The following DSCAM variants were observed in gnomAD, a reference collection of about 807,000 sequenced individuals.
DSCAM encodes the protein cell adhesion molecule DSCAM.
A neutral mutation model predicts 217.7 loss-of-function variants in DSCAM; 47 were observed. The ratio of observed to expected loss-of-function variants is 0.22; its 90% confidence interval spans 0.17 to 0.28. DSCAM has a LOEUF of 0.28. Among genes scored for constraint, DSCAM ranks in the 10% least tolerant of loss-of-function variants. The probability of loss-of-function intolerance (pLI) is 1.00; values close to 1 mark genes in which losing one functional copy is unlikely to be tolerated. For synonymous variants in DSCAM, 1,056 were observed against 1,015.3 expected (o/e 1.04, Z -0.76); for missense variants, 2,080 against 2,618.3 (o/e 0.79, Z 4.49).
At chr21:40,088,355 G>T (rs889928970) in intron 21 of DSCAM, among the ~76,000 whole-genome samples, 2 of 152,156 alleles carry the variant, frequency 1.3e-5, no homozygotes, top group African/African-American at 4.8e-5. Context: ...TGAGGAGAAG[G>T]CTCCCCCAGG....
intron 24 of DSCAM, among the ~76,000 whole-genome samples, chr21:40,083,442 A>T (rs2089490612): frequency 6.6e-6 from 1 of 152,216 alleles, no homozygotes; most frequent in African/African-American, 2.4e-5. Flanking sequence ...ACAACAAAAC[A>T]AAACAAAATC....
At chr21:40,107,780 G>T (rs73223297) in intron 20 of DSCAM, among the ~76,000 whole-genome samples, 7,024 of 152,214 alleles carry the variant, frequency 0.046, 197 homozygotes, top group Non-Finnish European at 0.065. Context: ...ACTTAGGACA[G>T]TTAGATCTTT....
At chr21:40,741,091 C>T (rs1226491304) in intron 1 of DSCAM, among the ~76,000 whole-genome samples, 1 of 152,072 alleles carries the variant, frequency 6.6e-6, no homozygotes, top group African/African-American at 2.4e-5. Flanking sequence ...GAAGTCAGTG[C>T]AGAAAAAGTG....
intron 3 of DSCAM, among the ~76,000 whole-genome samples, chr21:40,441,178 CAAG>C (rs2145913371): frequency 6.6e-6 from 1 of 152,218 alleles, no homozygotes; most frequent in South Asian, 2.1e-4. Context: ...GCCCAGGTTC[CAAG>C]AAGGAGGAAG....
At chr21:40,162,462 C>G (rs2090550054) in intron 16 of DSCAM, among the ~76,000 whole-genome samples, 1 of 152,146 alleles carries the variant, frequency 6.6e-6, no homozygotes, top group Admixed American at 6.5e-5. Context: ...GTGGAGCCTG[C>G]AGTTTATTAA....
intron 1 of DSCAM, among the ~76,000 whole-genome samples, chr21:40,767,439 G>A (rs1189959591): frequency 6.6e-6 from 1 of 152,178 alleles, no homozygotes; most frequent in East Asian, 1.9e-4. Flanking sequence ...CTGCTGCACT[G>A]AGCATTCTCT....
At chr21:40,123,160 C>T (rs1251739039) in intron 20 of DSCAM, among the ~76,000 whole-genome samples, 1 of 151,918 alleles carries the variant, frequency 6.6e-6, no homozygotes, top group Non-Finnish European at 1.5e-5. Flanking sequence ...ATAGGGAATT[C>T]GTGTTTAATG....
chr21:40,497,727 A>AAT lies in DSCAM; in HGVS notation c.509-128484_509-128483dup, dbSNP rs1209551319. Among the ~76,000 whole-genome samples the AAT allele has an allele frequency of 5.3e-5, 8 of 152,318 alleles. No individual in the cohort carries two copies. In the South Asian group the frequency reaches 1.7e-3, roughly 32 times the overall value. On this transcript the variant is annotated intron_variant, in intron 3 of 32. Transcript: ENST00000400454. The stretch of plus-strand genomic sequence containing the variant: ...AGAAAACATCCTGTTGTACACAATA[A>AAT]ATATATATACATTTATTTGTCAATA...
intron 1 of DSCAM, among the ~76,000 whole-genome samples, chr21:40,795,607 G>A (rs1296136187): frequency 1.3e-5 from 2 of 152,126 alleles, no homozygotes; most frequent in Non-Finnish European, 2.9e-5. Context: ...TCACACAACA[G>A]CTGACTTTCA....
chr21:40,373,074 G>A (rs2837587), intron 3 of DSCAM, among the ~76,000 whole-genome samples: 65,296 of 151,944 alleles, frequency 0.43, 14,894 homozygotes, highest in South Asian at 0.63. Flanking sequence ...GAGCTGAGCC[G>A]CAAAAAACAC....
At chr21:40,414,440 T>C (rs1379915267) in intron 3 of DSCAM, among the ~76,000 whole-genome samples, 1 of 152,184 alleles carries the variant, frequency 6.6e-6, no homozygotes, top group Non-Finnish European at 1.5e-5. Flanking sequence ...TACCAACGCA[T>C]ACCTCCTAGA....
At chr21:40,775,998 T>C (rs1009764292) in intron 1 of DSCAM, among the ~76,000 whole-genome samples, 5 of 152,200 alleles carry the variant, frequency 3.3e-5, no homozygotes, top group African/African-American at 1.2e-4. Flanking sequence ...ATTTCCCTTT[T>C]TAGCCTGTTT....
chr21:40,265,140 C>A (rs1011287448), intron 11 of DSCAM, among the ~76,000 whole-genome samples: 1 of 151,064 alleles, frequency 6.6e-6, no homozygotes, highest in Non-Finnish European at 1.5e-5. Flanking sequence ...TGCAGTGAGC[C>A]GAAATCGTAC....
chr21:40,682,398 G>A (rs1368765551), intron 3 of DSCAM, among the ~76,000 whole-genome samples: 1 of 151,858 alleles, frequency 6.6e-6, no homozygotes, highest in African/African-American at 2.4e-5. Context: ...TATTCAGAGA[G>A]AAGATCAACC....
intron 3 of DSCAM, among the ~76,000 whole-genome samples, chr21:40,553,685 C>A (rs2837703): frequency 0.083 from 12,643 of 152,232 alleles, 605 homozygotes; most frequent in East Asian, 0.17. Flanking sequence ...ATAACACATC[C>A]GTTTGCACCC....
In DSCAM at chr21:40,379,253, G is replaced by A. The variant is rs938734011; in HGVS notation, c.509-10008C>T. On this transcript the variant is annotated intron_variant, in intron 3 of 32. Transcript: ENST00000400454. ...CACGTATTTGAGTATCTTAAAAGAAGACTCTATTAATGTGCTTCTTGGGTA... is the reference window on the plus strand; with the variant it reads ...CACGTATTTGAGTATCTTAAAAGAAAACTCTATTAATGTGCTTCTTGGGTA... Among the ~76,000 whole-genome samples the A allele has an allele frequency of 2.0e-5, 3 of 152,184 alleles. No homozygotes were observed. In the South Asian group the frequency reaches 6.2e-4, roughly 32 times the overall value.
At chr21:40,557,590 T>C (rs113866138) in intron 3 of DSCAM, among the ~76,000 whole-genome samples, 1,533 of 152,214 alleles carry the variant, frequency 0.01, 30 homozygotes, top group African/African-American at 0.035. Flanking sequence ...CCACCTCGTC[T>C]TCCCAAAGTG....
intron 3 of DSCAM, among the ~76,000 whole-genome samples, chr21:40,450,148 A>T (rs971354879): frequency 3.3e-5 from 5 of 152,038 alleles, no homozygotes; most frequent in Admixed American, 1.3e-4. Context: ...GTACTCATTT[A>T]AAAAAAAATT....
At chr21:40,057,289 C>A (rs769226299) in intron 28 of DSCAM, among the ~76,000 whole-genome samples, 1 of 152,110 alleles carries the variant, frequency 6.6e-6, no homozygotes, top group African/African-American at 2.4e-5. Flanking sequence ...ACTTGTCATT[C>A]GTTGATTTTG....
Sources: allele counts gnomAD v4.1 joint callset (sites outside exome capture counted in the v4.1 genomes callset), GRCh38; gene constraint gnomAD v4.1.1; transcripts MANE v1.5; gene names NCBI Gene and HGNC (gene_info 2026-07-23, HGNC 2026-07-21).